Variants in LIN52 observed in about 807,000 individuals in gnomAD.
LIN52 encodes the protein protein lin-52 homolog.
In LIN52, 4 loss-of-function variants were observed where a neutral mutation model predicts 18.5. The observed-to-expected ratio is 0.22, with a 90% CI of 0.11 to 0.49. LIN52 has a LOEUF of 0.49. LIN52 is among the 20% of genes least tolerant of loss of function. The pLI is 0.97. For synonymous variants in LIN52, 34 were observed against 45.5 expected (o/e 0.75, Z 1.02); for missense variants, 102 against 139.5 (o/e 0.73, Z 1.35).
chr14:74,149,900 C>T (rs1384834484), intron 5 of LIN52, among the ~76,000 whole-genome samples: 1 of 152,078 alleles, frequency 6.6e-6, no homozygotes, highest in Non-Finnish European at 1.5e-5. Flanking sequence ...CAAGGGGGAC[C>T]AAGAGTCTGG....
At chr14:74,156,259 C>A (rs999221438) in intron 5 of LIN52, among the ~76,000 whole-genome samples, 1 of 152,160 alleles carries the variant, frequency 6.6e-6, no homozygotes, top group Non-Finnish European at 1.5e-5. Flanking sequence ...AAACAAACAT[C>A]AAGCCTTAAA....
intron 5 of LIN52, among the ~76,000 whole-genome samples, chr14:74,175,305 G>A (rs1056097860): frequency 1.3e-5 from 2 of 151,154 alleles, no homozygotes; most frequent in Non-Finnish European, 2.9e-5. Context: ...TTTTGTAATA[G>A]CACTTAACTT....
chr14:74,088,546 T>C (rs1454323541), intron 1 of LIN52, among the ~76,000 whole-genome samples: 3 of 152,194 alleles, frequency 2.0e-5, no homozygotes, highest in African/African-American at 4.8e-5. Context: ...TTTGTTATGG[T>C]TGAACATTCC....
At chr14:74,173,457 G>C (rs548926586) in intron 5 of LIN52, among the ~76,000 whole-genome samples, 2 of 152,190 alleles carry the variant, frequency 1.3e-5, no homozygotes, top group Non-Finnish European at 2.9e-5. Context: ...AAAGTCCTGG[G>C]AGTACAGGCA....
Position 74,154,711 on chromosome 14 carries a change from G to A in LIN52, c.284-44211G>A, listed in dbSNP as rs76300372. 8.2e-3 allele frequency among the ~76,000 whole-genome samples: 1,244 copies of A among 152,240 alleles called. 21 individuals are homozygous for A. The highest frequency in any genetic ancestry group is 0.029 in the African/African-American group (1,210 of 41,534). On this transcript the variant is annotated intron_variant, in intron 5 of 5. Coordinates refer to ENST00000555028, the MANE Select transcript of LIN52 (RefSeq NM_001024674.3). ...TGAATTGCTAATTGATTAGAGTTGC[G>A]GAAATTATCCACAAAGCTGTTTTGT...
intron 5 of LIN52, among the ~76,000 whole-genome samples, chr14:74,179,609 T>A (rs926020176): frequency 1.0e-4 from 14 of 140,318 alleles, no homozygotes; most frequent in Non-Finnish European, 2.0e-4. Context: ...TGAACCAAGA[T>A]CAGGCCACTG....
chr14:74,184,459 A>G (rs549584981), intron 5 of LIN52, among the ~76,000 whole-genome samples: 1 of 152,332 alleles, frequency 6.6e-6, no homozygotes, highest in South Asian at 2.1e-4. Context: ...ATAGAGCTAG[A>G]TAATGGATTG....
chr14:74,181,576 A>C (rs1394829448), intron 5 of LIN52, among the ~76,000 whole-genome samples: 1 of 152,144 alleles, frequency 6.6e-6, no homozygotes, highest in East Asian at 1.9e-4. Flanking sequence ...TTATCATTGA[A>C]ATAGTATTCT....
intron 5 of LIN52, among the ~76,000 whole-genome samples, chr14:74,125,047 A>G (rs2061020925): frequency 2.0e-5 from 3 of 152,332 alleles, no homozygotes; most frequent in Admixed American, 2.0e-4. Context: ...TCCAGAATAA[A>G]TAAAGAACTC....
chr14:74,142,788 A>G (rs2061137103), intron 5 of LIN52, among the ~76,000 whole-genome samples: 1 of 146,618 alleles, frequency 6.8e-6, no homozygotes, highest in Non-Finnish European at 1.5e-5. Flanking sequence ...AATCTGAAAC[A>G]GACTGAATGT....
chr14:74,096,489 GTTTTTGTT>G (rs2060813809), intron 3 of LIN52, among the ~76,000 whole-genome samples: 1 of 151,644 alleles, frequency 6.6e-6, no homozygotes, highest in East Asian at 1.9e-4. Context: ...CAATGTATGT[GTTTTTGTT>G]TTTTTGTTTT....
intron 5 of LIN52, among the ~76,000 whole-genome samples, chr14:74,137,169 TA>T (rs74268173): frequency 0.12 from 17,363 of 141,144 alleles, 1,123 homozygotes; most frequent in South Asian, 0.2. Flanking sequence ...TATATATATA[TA>T]TATTTTTTTA....
chr14:74,191,984 A>G (rs772890223), intron 5 of LIN52, among the ~76,000 whole-genome samples: 4 of 152,206 alleles, frequency 2.6e-5, no homozygotes, highest in African/African-American at 9.6e-5. Context: ...ATCTACTGGT[A>G]TAGTTAAAGA....
chr14:74,173,269 C>A (rs1176830413), intron 5 of LIN52, among the ~76,000 whole-genome samples: 4 of 152,096 alleles, frequency 2.6e-5, no homozygotes, highest in African/African-American at 9.7e-5. Flanking sequence ...CTCGCCGCAA[C>A]CTCTGCCTCC....
rs145927580 is a variant in LIN52, at chr14:74,169,695, T to A, written c.284-29227T>A. On this transcript the variant is annotated intron_variant, in intron 5 of 5. Transcript: ENST00000555028. Reference sequence around the variant, plus strand: ...ATGTATTTGAAGAGATCTATCATAGTACCCCCTTTTAAAACTTGTTCATGT... The same window carrying A: ...ATGTATTTGAAGAGATCTATCATAGAACCCCCTTTTAAAACTTGTTCATGT... Among the ~76,000 whole-genome samples, 15 of 152,346 alleles carry A rather than the reference T, an allele frequency of 9.8e-5. No individual in the cohort carries two copies. The South Asian group carries it at 2.1e-3, about 21-fold the overall frequency.
At position 74,201,169 on chromosome 14, in the gene LIN52, A is replaced by T. The variant is rs1303896836; in HGVS notation, c.*2192A>T. On this transcript the variant is annotated 3_prime_UTR_variant, in exon 6 of 6. Coordinates refer to ENST00000555028, the MANE Select transcript of LIN52 (RefSeq NM_001024674.3). ...AGTATGTGTGTATATGTATTTCAGG[A>T]TGTTATAGTATTGTACTTTGTATGT... The T allele has an allele frequency of 6.6e-6, 1 of 152,150 alleles. No individual in the cohort carries two copies. 9.4% of individuals were successfully genotyped at this position (152,150 alleles called of 1,614,324 possible).
chr14:74,163,068 T>G (rs1167596443), intron 5 of LIN52, among the ~76,000 whole-genome samples: 1 of 152,156 alleles, frequency 6.6e-6, no homozygotes, highest in Non-Finnish European at 1.5e-5. Flanking sequence ...CTTTCTATTC[T>G]CCCTTGCTAC....
intron 5 of LIN52, among the ~76,000 whole-genome samples, chr14:74,149,134 G>C (rs1212588965): frequency 6.6e-6 from 1 of 152,172 alleles, no homozygotes; most frequent in African/African-American, 2.4e-5. Context: ...TGAAGTAGTT[G>C]GTTACTATTG....
At chr14:74,107,525 A>G (rs1049753128) in intron 5 of LIN52, among the ~76,000 whole-genome samples, 6 of 152,248 alleles carry the variant, frequency 3.9e-5, no homozygotes, top group East Asian at 1.9e-4. Context: ...TGGCCTCTCA[A>G]ATTGCCCCTA....
Sources: allele counts gnomAD v4.1 joint callset (sites outside exome capture counted in the v4.1 genomes callset), GRCh38; gene constraint gnomAD v4.1.1; transcripts MANE v1.5; gene names NCBI Gene and HGNC (gene_info 2026-07-23, HGNC 2026-07-21).